EDNRA: variants seen among roughly 807,000 people sequenced by gnomAD.
EDNRA encodes the protein endothelin receptor type A, also known as endothelin-1 receptor.
Under a neutral mutation model 41.4 loss-of-function variants are expected in EDNRA, and 11 were observed. The observed-to-expected ratio is 0.27, with a 90% confidence interval of 0.17 to 0.44. EDNRA has a LOEUF of 0.44. Among genes scored for constraint, EDNRA ranks in the 20% least tolerant of loss-of-function variants. EDNRA has a pLI of 1.00. For missense variants in EDNRA, 294 were observed against 531.0 expected, an observed-to-expected ratio of 0.55 and a Z score of 4.39; for synonymous variants, 172 against 183.0, an observed-to-expected ratio of 0.94 and a Z score of 0.49.
At chr4:147,529,397 C>T (rs1313256352) in intron 3 of EDNRA, among the ~76,000 whole-genome samples, 1 of 152,066 alleles carries the variant, frequency 6.6e-6, no homozygotes, top group South Asian at 2.1e-4. Flanking sequence ...ATTAAAGCCA[C>T]GAGACTAGAT....
intron 5 of EDNRA, among the ~76,000 whole-genome samples, chr4:147,537,476 C>G (rs1182502893): frequency 6.6e-6 from 1 of 152,094 alleles, no homozygotes; most frequent in Non-Finnish European, 1.5e-5. Context: ...TTGTGAAAAA[C>G]AGTGTTTTAA....
At chr4:147,535,359 T>C (rs1730882895) in intron 4 of EDNRA, among the ~76,000 whole-genome samples, 1 of 152,150 alleles carries the variant, frequency 6.6e-6, no homozygotes, top group Admixed American at 6.6e-5. Flanking sequence ...ATAGCAGGCA[T>C]ACCAGGCAGA....
intron 7 of EDNRA, among the ~76,000 whole-genome samples, chr4:147,541,841 T>A (rs1731114394): frequency 6.6e-6 from 1 of 152,136 alleles, no homozygotes; most frequent in Admixed American, 6.5e-5. Flanking sequence ...TAAGGTGAAA[T>A]TAATTATTAC....
chr4:147,514,209 G>A (rs10003944), intron 2 of EDNRA, among the ~76,000 whole-genome samples: 7,703 of 152,120 alleles, frequency 0.051, 648 homozygotes, highest in African/African-American at 0.17. Context: ...GACTTACAAC[G>A]GGGAACTGGC....
At chr4:147,534,855 G>A (rs557278486) in intron 4 of EDNRA, among the ~76,000 whole-genome samples, 1 of 152,102 alleles carries the variant, frequency 6.6e-6, no homozygotes, top group Admixed American at 6.6e-5. Context: ...TTCCAAAAGG[G>A]TCTGTGGCAT....
chr4:147,530,062 A>T (rs982123331), intron 3 of EDNRA, among the ~76,000 whole-genome samples: 2 of 152,198 alleles, frequency 1.3e-5, no homozygotes, highest in Non-Finnish European at 2.9e-5. Context: ...TGGATTATGG[A>T]TGTGTAATAT....
chr4:147,499,797 C>CTTTTTTT (rs58464606), intron 2 of EDNRA, among the ~76,000 whole-genome samples: 11 of 85,324 alleles, frequency 1.3e-4, no homozygotes, highest in East Asian at 8.4e-4. Context: ...CTCTAAAAGT[C>CTTTTTTT]TTTTTTTTTT....
chr4:147,500,343 T>C (rs1729472070), intron 2 of EDNRA, among the ~76,000 whole-genome samples: 1 of 152,202 alleles, frequency 6.6e-6, no homozygotes, highest in South Asian at 2.1e-4. Flanking sequence ...CATGTTCCAT[T>C]TTTTAACATT....
rs1322879267 is a variant in EDNRA, at chr4:147,544,617, A to G, written c.*1999A>G. ...TTGTGTGTTAGCAGTCAAATCTATT[A>G]TTCCACTGGCGCATCATATGCAGTG... On this transcript the variant is annotated 3_prime_UTR_variant, in exon 8 of 8. Coordinates refer to ENST00000651419, the MANE Select transcript of EDNRA (RefSeq NM_001957.4). The G allele has an allele frequency of 6.6e-6, 1 of 152,480 alleles. No homozygotes were observed. The highest frequency in any genetic ancestry group is 1.9e-4 in the East Asian group (1 of 5,208). 9.4% of individuals were successfully genotyped at this position (152,480 alleles called of 1,614,324 possible).
At chr4:147,491,874 T>C (rs538041124) in intron 2 of EDNRA, 1 of 152,220 alleles carries the variant, frequency 6.6e-6, no homozygotes, top group Non-Finnish European at 1.5e-5. Context: ...CACTGGTGCA[T>C]TGTATTCCAG....
At chr4:147,485,469 G>A (rs1728911755) in intron 1 of EDNRA, 143 bp from the exon 2 acceptor site, 5 of 636,252 alleles carry the variant, frequency 7.9e-6, no homozygotes, top group African/African-American at 1.8e-5. Context: ...GTTTTGCTCT[G>A]TCATAGGGTA....
At chr4:147,517,757 G>A (rs1009534004) in intron 2 of EDNRA, among the ~76,000 whole-genome samples, 2 of 152,148 alleles carry the variant, frequency 1.3e-5, no homozygotes, top group East Asian at 1.9e-4. Context: ...ATTCCATGAT[G>A]TCTTTCCTCT....
At chr4:147,530,172 C>A (rs912426136) in intron 3 of EDNRA, among the ~76,000 whole-genome samples, 6 of 152,156 alleles carry the variant, frequency 3.9e-5, no homozygotes, top group Non-Finnish European at 5.9e-5. Context: ...CCACTTTTCA[C>A]CCCAAATCCT....
rs867708602 is a variant in EDNRA at position 147,482,909 on chromosome 4, G to A, written c.-71+1533G>A. Among the ~76,000 whole-genome samples the A allele has an allele frequency of 4.9e-4, 75 of 152,186 alleles. 1 individual carries two copies. Among genetic ancestry groups the A allele is most frequent in the Middle Eastern group, 3.2e-3 (1 of 316 alleles). On this transcript the variant is annotated intron_variant, in intron 1 of 7. Coordinates refer to ENST00000651419, the MANE Select transcript of EDNRA (RefSeq NM_001957.4). The stretch of plus-strand genomic sequence containing the variant: ...GTCAGTTCCCAGCCGACTGTAACCG[G>A]CAGAGAGCCATTCCATTTCTGCAAA...
At chr4:147,483,275 T>C (rs1032716634) in intron 1 of EDNRA, among the ~76,000 whole-genome samples, 6 of 152,214 alleles carry the variant, frequency 3.9e-5, no homozygotes, top group African/African-American at 1.2e-4. Context: ...TTGATATTTT[T>C]CCCATTTAAT....
Position 147,524,774 on chromosome 4 carries a change from T to A in EDNRA, c.548+4796T>A, listed in dbSNP as rs548472117. The stretch of plus-strand genomic sequence containing the variant: ...AGCTTCAGGACTTGTATGTAGGGAA[T>A]CTATTTGACATTTCTATTTCAAAAG... On this transcript the variant is annotated intron_variant, in intron 3 of 7. Transcript: ENST00000651419. Among the ~76,000 whole-genome samples, 34 of 152,312 alleles carry A rather than the reference T, an allele frequency of 2.2e-4. 2 individuals carry two copies. In the South Asian group the frequency reaches 6.4e-3, roughly 29 times the overall value.
chr4:147,520,155 T>A (rs1199949709), intron 3 of EDNRA, among the ~76,000 whole-genome samples, 177 bp downstream of exon 3: 2 of 152,240 alleles, frequency 1.3e-5, no homozygotes, highest in Non-Finnish European at 2.9e-5. Flanking sequence ...TGCTGATTAT[T>A]AGCCATCTTT....
At chr4:147,499,379 A>G (rs1221697844) in intron 2 of EDNRA, among the ~76,000 whole-genome samples, 1 of 152,172 alleles carries the variant, frequency 6.6e-6, no homozygotes, top group Non-Finnish European at 1.5e-5. Context: ...TTGTATTTGA[A>G]AAAAATAAAT....
chr4:147,507,448 T>A (rs1325754725), intron 2 of EDNRA, among the ~76,000 whole-genome samples: 1 of 152,250 alleles, frequency 6.6e-6, no homozygotes, highest in Non-Finnish European at 1.5e-5. Flanking sequence ...AAAGATTGCA[T>A]ACTATATTAC....
Sources: gnomAD v4.1 joint callset for allele counts (sites outside exome capture counted in the v4.1 genomes callset) on GRCh38, gnomAD v4.1.1 for gene constraint, MANE v1.5 for transcripts, NCBI Gene and HGNC (gene_info 2026-07-23, HGNC 2026-07-21) for gene names.